The following PYGO1 variants were observed in gnomAD, a reference collection of about 807,000 sequenced individuals.
The protein encoded by PYGO1 is pygopus family PHD finger 1, also known as pygopus homolog 1.
In PYGO1, 6 loss-of-function variants were observed where a neutral mutation model predicts 29.5. The ratio of observed to expected loss-of-function variants is 0.20; its 90% CI spans 0.11 to 0.40. The LOEUF (loss-of-function observed/expected upper bound fraction) is 0.40. Ranked by LOEUF, PYGO1 falls within the 10% of genes least tolerant of loss-of-function variation. PYGO1 has a pLI of 1.00. For missense variants in PYGO1, 515 were observed against 514.9 expected, an observed-to-expected ratio of 1.00 and a Z score of 0.00; for synonymous variants, 186 against 180.5, an observed-to-expected ratio of 1.03 and a Z score of -0.24.
At chr15:55,578,860 A>C (rs1014628066) in intron 1 of PYGO1, among the ~76,000 whole-genome samples, 7 of 152,172 alleles carry the variant, frequency 4.6e-5, no homozygotes, top group Non-Finnish European at 1.0e-4. Context: ...AGTCCAATTT[A>C]TCTATTTCTT....
chr15:55,581,017 A>C (rs1333563078), intron 1 of PYGO1, among the ~76,000 whole-genome samples: 1 of 152,238 alleles, frequency 6.6e-6, no homozygotes. Context: ...AAAAGTAATA[A>C]TTCCTCCCTG....
Position 55,540,251 on chromosome 15 carries a change from T to C in PYGO1, c.*5772A>G, listed in dbSNP as rs2058823285. The C allele has an allele frequency of 6.6e-6, 1 of 152,026 alleles. No homozygotes were observed. Among genetic ancestry groups the C allele is most frequent in the African/African-American group, 2.4e-5 (1 of 41,424 alleles). The allele number at this position is 152,026 out of a possible 1,614,324, so 9.4% of individuals were successfully genotyped here. On this transcript the variant is annotated 3_prime_UTR_variant, in exon 3 of 3. Coordinates refer to ENST00000563719, the MANE Select transcript of PYGO1 (RefSeq NM_001367806.1). ...CAATGGCTAAAAATTCCAGGTAAAT[T>C]AGAGGAGTCTTACGGTATCTTAATC...
intron 1 of PYGO1, among the ~76,000 whole-genome samples, chr15:55,571,324 C>A (rs942098523): frequency 6.6e-6 from 1 of 152,154 alleles, no homozygotes; most frequent in East Asian, 1.9e-4. Flanking sequence ...TAAGAACATA[C>A]ATGTTATAAT....
At position 55,546,730 on chromosome 15, in the gene PYGO1, T is replaced by G. The variant is rs1046002289; in HGVS notation, c.553A>C (p.Ser185Arg). 37 of 1,613,950 alleles carry G rather than the reference T, an allele frequency of 2.3e-5. No individual in the cohort carries two copies. Among genetic ancestry groups the G allele is most frequent in the Non-Finnish European group, 3.1e-5 (36 of 1,179,922 alleles). Residue 185 changes from serine (S) to arginine (R), a missense_variant, in exon 3 of 3, where the codon AGT becomes CGT. By Grantham distance (110) the Ser-to-Arg change is moderately radical. Transcript: ENST00000563719. Reference protein sequence around the residue: ...HFRQNPAENFSQIPPQNASQV... With the variant: ...HFRQNPAENFRQIPPQNASQV... ...CTAGCATTCTGTGGAGGAATTTGAC[T>G]GAAATTTTCAGCAGGATTTTGTCTA...
chr15:55,570,472 C>A (rs886713521), intron 1 of PYGO1, among the ~76,000 whole-genome samples: 1 of 151,486 alleles, frequency 6.6e-6, no homozygotes, highest in African/African-American at 2.4e-5. Flanking sequence ...TGCCATTTTT[C>A]TACTGAGTGT....
chr15:55,554,468 CAAAAAAAAAAAAAAAA>C (rs56216226), intron 1 of PYGO1, among the ~76,000 whole-genome samples: 2 of 122,894 alleles, frequency 1.6e-5, no homozygotes, highest in Non-Finnish European at 1.6e-5. Context: ...GACTCTGTCT[CAAAAAAAAAAAAAAAA>C]AAAAAAAAAG....
rs1245346089 is a variant in PYGO1 at position 55,543,522 on chromosome 15, T to C, written c.*2501A>G. On this transcript the variant is annotated 3_prime_UTR_variant, in exon 3 of 3. Transcript: ENST00000563719. ...AACACCTGAATAAAAATTCACCTGTTTGTAGGTTTTTAAAAACAACTATGT... is the reference window on the plus strand; with the variant it reads ...AACACCTGAATAAAAATTCACCTGTCTGTAGGTTTTTAAAAACAACTATGT... The C allele has an allele frequency of 6.6e-6, 1 of 152,178 alleles. No homozygotes were observed. The highest frequency in any genetic ancestry group is 1.5e-5 in the Non-Finnish European group (1 of 68,018). 9.4% of individuals were successfully genotyped at this position (152,178 alleles called of 1,614,324 possible). A position where few individuals can be genotyped will look rare whatever the true frequency, so the allele number is the denominator to read the frequency against.
chr15:55,548,901 T>C lies in PYGO1; in HGVS notation c.135+9A>G. On this transcript the variant is annotated intron_variant, in intron 2 of 2. Coordinates refer to ENST00000563719, the MANE Select transcript of PYGO1 (RefSeq NM_001367806.1). ...AGAAAAACTTTTATTAAAGAAAATG[T>C]CAGTTTACCTGTGTATTTGCCTTGC... 3 of 1,607,006 alleles carry C rather than the reference T, an allele frequency of 1.9e-6. No homozygotes were observed. The highest frequency in any genetic ancestry group is 8.5e-7 in the Non-Finnish European group (1 of 1,177,044).
rs201100176 is a variant in PYGO1, at chr15:55,546,361, G to T, written c.922C>A (p.Arg308=). Residue 308 remains arginine, a synonymous_variant, in exon 3 of 3, where the codon CGA becomes AGA. Transcript: ENST00000563719. ...NPANGTQNKP[R]QPRGAADACT... is the part of the protein sequence containing the mutation. ...GCATCTGCTGCACCTCTTGGTTGTC[G>T]TGGCTTATTCTGCGTCCCATTTGCA... 201 of 1,614,146 alleles carry T rather than the reference G, an allele frequency of 1.2e-4. 1 individual carries two copies. The highest frequency in any genetic ancestry group is 1.6e-4 in the Middle Eastern group (1 of 6,062).
intron 1 of PYGO1, among the ~76,000 whole-genome samples, chr15:55,576,595 AC>A (rs2059003300): frequency 1.3e-5 from 2 of 149,170 alleles, no homozygotes; most frequent in South Asian, 4.3e-4. Flanking sequence ...ACATGGTGAA[AC>A]CCTGTCTCTA....
chr15:55,578,432 C>G (rs1045147131), intron 1 of PYGO1, among the ~76,000 whole-genome samples: 1 of 152,054 alleles, frequency 6.6e-6, no homozygotes, highest in Non-Finnish European at 1.5e-5. Flanking sequence ...GAGAAACTGC[C>G]AAACTGTTTT....
intron 1 of PYGO1, among the ~76,000 whole-genome samples, chr15:55,581,166 A>T (rs536060082): frequency 6.6e-5 from 10 of 152,286 alleles, no homozygotes; most frequent in Non-Finnish European, 1.0e-4. Context: ...CTGAGTGGGG[A>T]GCTCAGGAAA....
chr15:55,574,048 T>C (rs2141671219), intron 1 of PYGO1, among the ~76,000 whole-genome samples: 1 of 152,348 alleles, frequency 6.6e-6, no homozygotes, highest in South Asian at 2.1e-4. Context: ...GGCTTTTCTG[T>C]TTCTTGGGAG....
In PYGO1 at chr15:55,546,090, T is replaced by C; in HGVS notation, c.1193A>G (p.Asp398Gly). The part of the protein sequence containing the change: ...AVWGCDTCMA[D>G]KDVQLMRTRE... Reference sequence around the variant, plus strand: ...AGTACGCATTAACTGGACATCTTTGTCAGCCATACAGGTATCACAGCCCCA... The same window carrying C: ...AGTACGCATTAACTGGACATCTTTGCCAGCCATACAGGTATCACAGCCCCA... Residue 398 changes from aspartate to glycine, a missense_variant, in exon 3 of 3, where the codon GAC (aspartate) becomes GGC (glycine). Physicochemically the swap from Asp to Gly is moderately conservative, Grantham distance 94. Transcript: ENST00000563719. 1 of 1,614,144 alleles carries C rather than the reference T, an allele frequency of 6.2e-7. No individual in the cohort carries two copies. Among genetic ancestry groups the C allele is most frequent in the South Asian group, 1.1e-5 (1 of 91,080 alleles).
At chr15:55,574,583 C>G (rs1464279422) in intron 1 of PYGO1, among the ~76,000 whole-genome samples, 1 of 151,852 alleles carries the variant, frequency 6.6e-6, no homozygotes, top group East Asian at 1.9e-4. Flanking sequence ...TGAGTTTTTT[C>G]AATTTGTTGC....
At chr15:55,584,366 C>T (rs2059038091) in intron 1 of PYGO1, among the ~76,000 whole-genome samples, 1 of 152,162 alleles carries the variant, frequency 6.6e-6, no homozygotes, top group African/African-American at 2.4e-5. Flanking sequence ...CTGCCTCAGC[C>T]TTCCAAGGTG....
intron 1 of PYGO1, among the ~76,000 whole-genome samples, chr15:55,587,611 C>G (rs2059053718): frequency 1.3e-5 from 2 of 151,690 alleles, no homozygotes; most frequent in South Asian, 2.1e-4. Flanking sequence ...CAACTGCCTC[C>G]GAACACAAAG....
At position 55,548,464 on chromosome 15, in the gene PYGO1, T is replaced by C. The variant is rs2058862346; in HGVS notation, c.135+446A>G. Among the ~76,000 whole-genome samples the C allele has an allele frequency of 4.0e-5, 6 of 151,040 alleles. No individual in the cohort carries two copies. The South Asian group carries it at 1.1e-3, about 27-fold the overall frequency. On this transcript the variant is annotated intron_variant, in intron 2 of 2. Transcript: ENST00000563719. ...GGCTCACACCTGTAATCCTAGCACT[T>C]TGGGAGGCCGAGGCGGGTGGATCAC...
intron 1 of PYGO1, among the ~76,000 whole-genome samples, chr15:55,553,129 T>C (rs1011552802): frequency 2.6e-5 from 4 of 152,164 alleles, no homozygotes; most frequent in Non-Finnish European, 5.9e-5. Context: ...TGCCAGATCA[T>C]GGCCAGACTA....
Sources: gnomAD v4.1 joint callset for allele counts (sites outside exome capture counted in the v4.1 genomes callset) on GRCh38, gnomAD v4.1.1 for gene constraint, MANE v1.5 for transcripts, NCBI Gene and HGNC (gene_info 2026-07-23, HGNC 2026-07-21) for gene names.